Variants in MCF2L2 observed in about 807,000 individuals in gnomAD.
MCF2L2 encodes MCF.2 cell line derived transforming sequence-like 2.
Under a neutral mutation model 150.2 loss-of-function variants are expected in MCF2L2, and 102 were observed. That is an observed-to-expected ratio of 0.68 (90% CI 0.58 to 0.80). The LOEUF (loss-of-function observed/expected upper bound fraction) is 0.80, where lower values mean the gene tolerates loss of function less well. Ranked by LOEUF, MCF2L2 falls within the 30% of genes least tolerant of loss-of-function variation. MCF2L2 has a pLI of 0.00. For missense variants in MCF2L2, 1,256 were observed against 1,372.8 expected (o/e 0.91, Z 1.34); for synonymous variants, 465 against 491.3 (o/e 0.95, Z 0.71).
intron 1 of MCF2L2, among the ~76,000 whole-genome samples, chr3:183,427,177 G>C (rs1169342262): frequency 2.0e-5 from 3 of 152,206 alleles, no homozygotes; most frequent in African/African-American, 7.2e-5. Context: ...CCAAGGGGAA[G>C]AAAGTGCTAA....
intron 3 of MCF2L2, chr3:183,374,008 C>T (rs1435510077): frequency 6.6e-6 from 1 of 152,550 alleles, no homozygotes; most frequent in Admixed American, 6.6e-5. Flanking sequence ...TCCATCCCTT[C>T]CTATCCAGTT....
At position 183,384,005 on chromosome 3, in the gene MCF2L2, A is replaced by G. The variant is rs543410833; in HGVS notation, c.161-4594T>C. Among the ~76,000 whole-genome samples, 5 of 152,354 alleles carry G rather than the reference A, an allele frequency of 3.3e-5. No individual in the cohort carries two copies. In the South Asian group the frequency reaches 8.3e-4, roughly 25 times the overall value. On this transcript the variant is annotated intron_variant, in intron 2 of 29. Transcript: ENST00000328913. ...TAGCCTGTCTGCTCCCCAGACACGCATAACAACAATAAGAACCAGAAACTC... is the reference window on the plus strand; with the variant it reads ...TAGCCTGTCTGCTCCCCAGACACGCGTAACAACAATAAGAACCAGAAACTC...
intron 3 of MCF2L2, among the ~76,000 whole-genome samples, chr3:183,347,415 T>A (rs1730942984): frequency 1.3e-5 from 2 of 152,146 alleles, no homozygotes; most frequent in African/African-American, 4.8e-5. Flanking sequence ...TCAAGATGGA[T>A]TAAAGGCTTA....
chr3:183,336,484 C>T (rs1235372022), intron 5 of MCF2L2, among the ~76,000 whole-genome samples: 2 of 151,904 alleles, frequency 1.3e-5, no homozygotes, highest in Admixed American at 6.6e-5. Flanking sequence ...GACTAAAATG[C>T]TTAAATTTTA....
At chr3:183,212,531 C>T (rs1000887431) in intron 22 of MCF2L2, among the ~76,000 whole-genome samples, 10 of 152,054 alleles carry the variant, frequency 6.6e-5, no homozygotes, top group Admixed American at 1.3e-4. Flanking sequence ...GTAAGAGCCC[C>T]GATACAAGGA....
At chr3:183,357,779 A>G (rs1711875876) in intron 3 of MCF2L2, among the ~76,000 whole-genome samples, 1 of 151,968 alleles carries the variant, frequency 6.6e-6, no homozygotes. Context: ...ACCAAGACCT[A>G]CAAGTAATAC....
intron 10 of MCF2L2, among the ~76,000 whole-genome samples, chr3:183,304,049 T>A (rs113450271): frequency 1.8e-4 from 27 of 152,262 alleles, no homozygotes; most frequent in African/African-American, 6.5e-4. Flanking sequence ...AGAAAGCCCA[T>A]CCTTCCCTAC....
chr3:183,318,657 C>T (rs1560019338), intron 6 of MCF2L2, among the ~76,000 whole-genome samples: 3 of 152,070 alleles, frequency 2.0e-5, no homozygotes. Context: ...ACAGGCAAAC[C>T]TCAGAGATAT....
intron 1 of MCF2L2, among the ~76,000 whole-genome samples, chr3:183,413,171 G>A (rs1446188975): frequency 3.3e-5 from 5 of 152,132 alleles, no homozygotes. Flanking sequence ...TTTGAACAAT[G>A]TAGGAGCTGG....
chr3:183,295,208 C>T lies in MCF2L2; in HGVS notation c.1675+92G>A, dbSNP rs999357185. On this transcript the variant is annotated intron_variant, in intron 13 of 29. Transcript: ENST00000328913. ...TTTTAAATAGTATCTGTTAAAACAGCGACCATTATCCATTGTAGACAACCA... is the reference window on the plus strand; with the variant it reads ...TTTTAAATAGTATCTGTTAAAACAGTGACCATTATCCATTGTAGACAACCA... The T allele has an allele frequency of 3.1e-5, 41 of 1,315,654 alleles. No individual in the cohort carries two copies. In the South Asian group the frequency reaches 4.3e-4, roughly 14 times the overall value. The allele number at this position is 1,315,654 out of a possible 1,614,324, so 81.5% of individuals were successfully genotyped here. A position where few individuals can be genotyped will look rare whatever the true frequency, so the allele number is the denominator to read the frequency against.
intron 15 of MCF2L2, among the ~76,000 whole-genome samples, chr3:183,246,725 G>C (rs974874729): frequency 6.6e-6 from 1 of 152,086 alleles, no homozygotes; most frequent in Admixed American, 6.5e-5. Flanking sequence ...CTGGATCATA[G>C]GATCATTCTA....
intron 3 of MCF2L2, among the ~76,000 whole-genome samples, chr3:183,363,083 AAAC>A (rs1018565394): frequency 5.8e-5 from 8 of 138,312 alleles, no homozygotes; most frequent in African/African-American, 2.2e-4. Flanking sequence ...TTGCAAATTA[AAAC>A]AACAATGAGA....
chr3:183,199,403 G>T (rs955781408), intron 25 of MCF2L2, among the ~76,000 whole-genome samples: 1 of 152,026 alleles, frequency 6.6e-6, no homozygotes, highest in Non-Finnish European at 1.5e-5. Flanking sequence ...GATAAAGCTC[G>T]CTGTGGATTT....
chr3:183,415,693 T>C (rs1332606745), intron 1 of MCF2L2, among the ~76,000 whole-genome samples: 4 of 152,244 alleles, frequency 2.6e-5, no homozygotes, highest in East Asian at 1.9e-4. Flanking sequence ...CCAGTGTTTG[T>C]ATAGTTACAG....
At position 183,268,518 on chromosome 3, in the gene MCF2L2, C is replaced by T. The variant is rs115284159; in HGVS notation, c.1862+8354G>A. On this transcript the variant is annotated intron_variant, in intron 15 of 29. Transcript: ENST00000328913. ...ATGGAAGTGGAGAAAATGGGGGGGG[C>T]GGTTCCAGATTTCAGGCATAGATGA... is the stretch of plus-strand genomic sequence containing the variant. Among the ~76,000 whole-genome samples the T allele has an allele frequency of 7.9e-3, 1,189 of 149,628 alleles. 21 individuals are homozygous for T. The highest frequency in any genetic ancestry group is 0.029 in the African/African-American group (1,145 of 39,450).
At chr3:183,406,731 C>T (rs1219996253) in intron 1 of MCF2L2, among the ~76,000 whole-genome samples, 1 of 152,114 alleles carries the variant, frequency 6.6e-6, no homozygotes, top group Non-Finnish European at 1.5e-5. Flanking sequence ...TCAGGTGATC[C>T]ACCCACCTTG....
chr3:183,192,129 A>G (rs904647283), intron 27 of MCF2L2, among the ~76,000 whole-genome samples: 6 of 125,170 alleles, frequency 4.8e-5, no homozygotes, highest in Non-Finnish European at 8.8e-5. Context: ...GATTACAGGC[A>G]TGAGTATTTT....
intron 3 of MCF2L2, among the ~76,000 whole-genome samples, chr3:183,343,852 C>A (rs548116823): frequency 6.6e-6 from 1 of 152,068 alleles, no homozygotes; most frequent in African/African-American, 2.4e-5. Flanking sequence ...GCATGAAGAA[C>A]GGAATGCAGT....
rs991501149 is a variant in MCF2L2 at position 183,271,765 on chromosome 3, A to G, written c.1862+5107T>C. On this transcript the variant is annotated intron_variant, in intron 15 of 29. Coordinates refer to ENST00000328913, the MANE Select transcript of MCF2L2 (RefSeq NM_015078.4). ...TTTTCAACTGGTTTTTAAATATTCAATATTGGTCTGTGTTTAAGTTTGTTA... is the reference window on the plus strand; with the variant it reads ...TTTTCAACTGGTTTTTAAATATTCAGTATTGGTCTGTGTTTAAGTTTGTTA... 5 of 166,970 alleles carry G rather than the reference A, an allele frequency of 3.0e-5. 1 individual carries two copies. The South Asian group carries it at 8.3e-4, about 28-fold the overall frequency. The allele number at this position is 166,970 out of a possible 1,614,324, so 10.3% of individuals were successfully genotyped here.
Sources: gnomAD v4.1 joint callset for allele counts (sites outside exome capture counted in the v4.1 genomes callset) on GRCh38, gnomAD v4.1.1 for gene constraint, MANE v1.5 for transcripts, NCBI Gene and HGNC (gene_info 2026-07-23, HGNC 2026-07-21) for gene names.